Variants in PRDM15 observed in about 807,000 individuals in gnomAD.
The protein encoded by PRDM15 is PR/SET domain 15, also known as PR domain zinc finger protein 15.
Under a neutral mutation model 128.6 loss-of-function variants are expected in PRDM15, and 64 were observed. The observed-to-expected ratio is 0.50, with a 90% CI of 0.41 to 0.61. The LOEUF (loss-of-function observed/expected upper bound fraction) is 0.61, where lower values mean the gene tolerates loss of function less well. PRDM15 is among the 20% of genes least tolerant of loss of function. The pLI, the probability that PRDM15 is intolerant of heterozygous loss-of-function variation, is 0.00. For synonymous variants in PRDM15, 615 were observed against 621.8 expected (o/e 0.99, Z 0.16); for missense variants, 1,242 against 1,569.1 (o/e 0.79, Z 3.52).
intron 5 of PRDM15, among the ~76,000 whole-genome samples, chr21:41,848,432 G>A (rs2063333005): frequency 6.6e-6 from 1 of 152,164 alleles, no homozygotes; most frequent in Non-Finnish European, 1.5e-5. Flanking sequence ...CTGCCAGCAG[G>A]GCATTTTTCT....
chr21:41,856,141 TTTCC>T (rs1234584552), intron 4 of PRDM15, among the ~76,000 whole-genome samples: 24 of 2,068 alleles, frequency 0.012, no homozygotes, highest in Non-Finnish European at 0.016. Context: ...CCTCCCTTCC[TTTCC>T]TTCCTTCCCT....
intron 21 of PRDM15, among the ~76,000 whole-genome samples, chr21:41,809,500 G>C (rs2061792879): frequency 6.6e-6 from 1 of 152,070 alleles, no homozygotes; most frequent in African/African-American, 2.4e-5. Flanking sequence ...CAAAGTGCTG[G>C]GATTACAAGC....
At chr21:41,809,089 T>C (rs1233718561) in intron 21 of PRDM15, among the ~76,000 whole-genome samples, 1 of 152,208 alleles carries the variant, frequency 6.6e-6, no homozygotes, top group African/African-American at 2.4e-5. Context: ...TCCGTGTGTT[T>C]TTCACCACGG....
At chr21:41,823,089 C>A in intron 14 of PRDM15, 1 of 528,090 alleles carries the variant, frequency 1.9e-6, no homozygotes, top group Non-Finnish European at 3.5e-6. Context: ...CCCTACCCTT[C>A]TACCATGTGA....
At chr21:41,822,818 T>C (rs574795264) in intron 14 of PRDM15, among the ~76,000 whole-genome samples, 18 of 152,154 alleles carry the variant, frequency 1.2e-4, no homozygotes, top group African/African-American at 4.1e-4. Context: ...GCGGATCACT[T>C]GAGGTCAGGA....
At chr21:41,822,928 G>A (rs1255009538) in intron 14 of PRDM15, among the ~76,000 whole-genome samples, 1 of 152,072 alleles carries the variant, frequency 6.6e-6, no homozygotes, top group Admixed American at 6.5e-5. Flanking sequence ...CCAGCTACTT[G>A]GGAGGCTGAG....
At chr21:41,837,215 C>G (rs923854152) in intron 8 of PRDM15, among the ~76,000 whole-genome samples, 1 of 152,168 alleles carries the variant, frequency 6.6e-6, no homozygotes, top group Non-Finnish European at 1.5e-5. Context: ...ACCCAAGAAT[C>G]GTAACTAAAA....
At chr21:41,839,478 A>C (rs2063000392) in intron 7 of PRDM15, 145 bp downstream of exon 7, 1 of 656,402 alleles carries the variant, frequency 1.5e-6, no homozygotes, top group Non-Finnish European at 2.7e-6. Flanking sequence ...TGAGAGAAAA[A>C]CAGACGGGCT....
intron 21 of PRDM15, among the ~76,000 whole-genome samples, chr21:41,809,302 G>T (rs558845013): frequency 6.8e-6 from 1 of 147,992 alleles, no homozygotes; most frequent in African/African-American, 2.5e-5. Flanking sequence ...GCGCAATCTC[G>T]GCTCACTGCA....
chr21:41,849,393 C>T (rs565958760), intron 5 of PRDM15, among the ~76,000 whole-genome samples: 4 of 151,892 alleles, frequency 2.6e-5, no homozygotes, highest in Non-Finnish European at 4.4e-5. Context: ...CATAGCAAAA[C>T]GCCGTCTCTA....
rs114643043 is a variant in PRDM15, at chr21:41,834,006, C to T, written c.1366+1431G>A. The stretch of plus-strand genomic sequence containing the variant: ...AGGTTCATCTGTCTGGCCGGGGCTG[C>T]GTTAAGTGGAAGTCTTCAGGGGACT... On this transcript the variant is annotated intron_variant, in intron 11 of 23. Coordinates refer to ENST00000398548, the MANE Select transcript of PRDM15 (RefSeq NM_001040424.3). Among the ~76,000 whole-genome samples, 1,120 of 152,270 alleles carry T rather than the reference C, an allele frequency of 7.4e-3. 18 individuals are homozygous for T. Among genetic ancestry groups the T allele is most frequent in the African/African-American group, 0.026 (1,080 of 41,522 alleles).
rs1388488158 is a variant in PRDM15, at chr21:41,862,262, C to T, written c.-9-1890G>A. ...CTTAAGAGGCGCCCCACACTGCGGT[C>T]AGATCACCGCAGAACACAGAGTCCC... On this transcript the variant is annotated intron_variant, in intron 1 of 23. Transcript: ENST00000398548. The surrounding 1 kb of genome is among the most constrained non-coding windows in gnomAD (Gnocchi z 4.1). Among the ~76,000 whole-genome samples, 2 of 152,216 alleles carry T rather than the reference C, an allele frequency of 1.3e-5. No homozygotes were observed. Among genetic ancestry groups the T allele is most frequent in the African/African-American group, 4.8e-5 (2 of 41,456 alleles).
chr21:41,803,086 C>G (rs2146143097), intron 22 of PRDM15, 165 bp from the exon 23 acceptor site: 1 of 640,636 alleles, frequency 1.6e-6, no homozygotes, highest in East Asian at 2.6e-5. Flanking sequence ...TCTTGTATTT[C>G]TAAGGATCGG....
At chr21:41,876,784 C>G (rs925286554) in intron 1 of PRDM15, among the ~76,000 whole-genome samples, 1 of 152,220 alleles carries the variant, frequency 6.6e-6, no homozygotes, top group Non-Finnish European at 1.5e-5. Context: ...TCCAACCAAA[C>G]CAGCAGCAGG....
At chr21:41,839,991 TAC>T in intron 6 of PRDM15, 138 bp from the exon 7 acceptor site, 3 of 671,282 alleles carry the variant, frequency 4.5e-6, no homozygotes, top group Non-Finnish European at 7.7e-6. Context: ...ACTTTATTTC[TAC>T]TGTTTTATTT....
intron 22 of PRDM15, 39 bp from the exon 23 acceptor site, chr21:41,802,960 C>T (rs761717257): frequency 9.6e-6 from 15 of 1,570,442 alleles, no homozygotes; most frequent in East Asian, 2.2e-5. Context: ...CCAGGTTAGT[C>T]GGTCACGTCA....
intron 14 of PRDM15, among the ~76,000 whole-genome samples, chr21:41,822,964 G>A (rs1165174500): frequency 6.6e-6 from 1 of 151,710 alleles, no homozygotes; most frequent in Non-Finnish European, 1.5e-5. Flanking sequence ...GAACCCAGGA[G>A]GTGGAGGATG....
chr21:41,852,257 C>A (rs187595715), intron 5 of PRDM15, among the ~76,000 whole-genome samples: 1 of 152,278 alleles, frequency 6.6e-6, no homozygotes, highest in African/African-American at 2.4e-5. Flanking sequence ...AGGGGGTAAA[C>A]GGCCAAGGCC....
At chr21:41,860,662 C>T (rs1204048063) in intron 1 of PRDM15, among the ~76,000 whole-genome samples, 4 of 152,126 alleles carry the variant, frequency 2.6e-5, no homozygotes, top group Non-Finnish European at 5.9e-5. Flanking sequence ...ACCTTGTGAT[C>T]CGCCTGCCTC....
Sources: gnomAD v4.1 joint callset for allele counts (sites outside exome capture counted in the v4.1 genomes callset) on GRCh38, gnomAD v4.1.1 for gene constraint, Gnocchi (gnomAD v3.1) non-coding constraint, MANE v1.5 for transcripts, NCBI Gene and HGNC (gene_info 2026-07-23, HGNC 2026-07-21) for gene names.